C8orf34: variants seen among roughly 807,000 people sequenced by gnomAD.
C8orf34 encodes the protein uncharacterized protein C8orf34.
A neutral mutation model predicts 68.3 loss-of-function variants in C8orf34; 65 were observed. The observed-to-expected ratio is 0.95, with a 90% CI of 0.78 to 1.17. The LOEUF (loss-of-function observed/expected upper bound fraction) is 1.17. Among genes scored for constraint, C8orf34 ranks in the 50% most tolerant of loss-of-function variants. The pLI is 0.00. For missense variants in C8orf34, 664 were observed against 655.4 expected, an observed-to-expected ratio of 1.01 and a Z score of -0.14; for synonymous variants, 244 against 241.2, an observed-to-expected ratio of 1.01 and a Z score of -0.11.
At chr8:68,622,365 T>A (rs747583415) in intron 7 of C8orf34, among the ~76,000 whole-genome samples, 6 of 152,178 alleles carry the variant, frequency 3.9e-5, no homozygotes, top group Non-Finnish European at 7.3e-5. Context: ...GGGGCCATGT[T>A]AAAGTCATCC....
intron 7 of C8orf34, among the ~76,000 whole-genome samples, chr8:68,582,489 G>T (rs565565345): frequency 4.3e-4 from 66 of 152,196 alleles, no homozygotes; most frequent in South Asian, 1.7e-3. Context: ...TGGGGAAAAG[G>T]CTTTCCAGTT....
chr8:68,682,688 A>G (rs1488553438), intron 8 of C8orf34, among the ~76,000 whole-genome samples: 1 of 152,134 alleles, frequency 6.6e-6, no homozygotes, highest in African/African-American at 2.4e-5. Flanking sequence ...TTTCAGAGTG[A>G]CATATTTTGG....
intron 3 of C8orf34, among the ~76,000 whole-genome samples, chr8:68,449,564 A>C (rs1811259977): frequency 1.3e-5 from 2 of 151,988 alleles, no homozygotes; most frequent in Admixed American, 1.3e-4. Flanking sequence ...TGAATATCAC[A>C]ATATCAGTCG....
intron 1 of C8orf34, among the ~76,000 whole-genome samples, chr8:68,395,890 A>G (rs550243407): frequency 6.6e-6 from 1 of 152,226 alleles, no homozygotes; most frequent in African/African-American, 2.4e-5. Context: ...AAGAAAACCT[A>G]TAGAACCTGA....
chr8:68,339,400 A>G (rs779013829), intron 1 of C8orf34, among the ~76,000 whole-genome samples: 1 of 152,016 alleles, frequency 6.6e-6, no homozygotes, highest in Non-Finnish European at 1.5e-5. Flanking sequence ...TAAAAGTACC[A>G]TTTATAATGG....
chr8:68,719,199 C>T (rs534585714), intron 9 of C8orf34, among the ~76,000 whole-genome samples: 267 of 152,012 alleles, frequency 1.8e-3, no homozygotes, highest in Non-Finnish European at 3.2e-3. Flanking sequence ...AGATTGGTAC[C>T]CTATTATTAG....
At chr8:68,779,180 A>AACACACACAC (rs10550333) in intron 11 of C8orf34, among the ~76,000 whole-genome samples, 2 of 139,156 alleles carry the variant, frequency 1.4e-5, no homozygotes, top group Non-Finnish European at 3.1e-5. Context: ...CTGTCTCTGA[A>AACACACACAC]ACACACACAC....
At chr8:68,575,665 C>T (rs983675365) in intron 7 of C8orf34, among the ~76,000 whole-genome samples, 1 of 152,000 alleles carries the variant, frequency 6.6e-6, no homozygotes, top group Non-Finnish European at 1.5e-5. Context: ...GGCTGATATC[C>T]GCAGCCCTTA....
chr8:68,626,398 T>C (rs1025525420), intron 7 of C8orf34, among the ~76,000 whole-genome samples: 11 of 152,172 alleles, frequency 7.2e-5, no homozygotes, highest in African/African-American at 2.4e-4. Context: ...GTATATAAAG[T>C]AAACTGACTT....
intron 8 of C8orf34, among the ~76,000 whole-genome samples, chr8:68,684,473 G>A (rs1820455472): frequency 1.3e-5 from 2 of 152,110 alleles, no homozygotes; most frequent in African/African-American, 4.8e-5. Context: ...ACAAAGTACT[G>A]CAAACAAGAG....
intron 7 of C8orf34, chr8:68,535,927 TATAAG>T: frequency 1.1e-6 from 1 of 922,256 alleles, no homozygotes; most frequent in Non-Finnish European, 1.3e-6. Context: ...CATGCTCAAA[TATAAG>T]ATATTTTCAA....
chr8:68,459,251 A>G lies in C8orf34; in HGVS notation c.608-9441A>G, dbSNP rs143274956. 1.6e-3 allele frequency among the ~76,000 whole-genome samples: 248 copies of G among 152,188 alleles called. 2 individuals are homozygous for G. The highest frequency in any genetic ancestry group is 0.011 in the Admixed American group (165 of 15,282). Reference sequence around the variant, plus strand: ...TTTCTTTTTTTCTTTTTTTTCTGAGATGGAGTCTCACTCTGTCACCCAGGC... The same window carrying G: ...TTTCTTTTTTTCTTTTTTTTCTGAGGTGGAGTCTCACTCTGTCACCCAGGC... On this transcript the variant is annotated intron_variant, in intron 3 of 13. Transcript: ENST00000518698.
Position 68,611,410 on chromosome 8 carries a change from C to T in C8orf34, c.1106-28966C>T, listed in dbSNP as rs527351952. 3.3e-5 allele frequency among the ~76,000 whole-genome samples: 5 copies of T among 152,228 alleles called. No homozygotes were observed. In the South Asian group the frequency reaches 1.0e-3, roughly 32 times the overall value. On this transcript the variant is annotated intron_variant, in intron 7 of 13. Transcript: ENST00000518698. ...GAAATCCTTAGGCTTGGGTAAAATA[C>T]TTTGATTTCAAGAGGTCCTCTCTAG...
At chr8:68,716,339 G>A (rs1269088225) in intron 9 of C8orf34, among the ~76,000 whole-genome samples, 1 of 151,864 alleles carries the variant, frequency 6.6e-6, no homozygotes, top group Non-Finnish European at 1.5e-5. Context: ...AAAAACAGAT[G>A]CCCAAAGAAA....
intron 5 of C8orf34, among the ~76,000 whole-genome samples, chr8:68,493,392 T>G (rs1286741019): frequency 1.3e-5 from 2 of 151,828 alleles, no homozygotes; most frequent in Non-Finnish European, 2.9e-5. Context: ...ATATCACTAA[T>G]CACCAGAGGG....
chr8:68,522,438 TAA>T (rs1406417356), intron 6 of C8orf34, among the ~76,000 whole-genome samples: 3 of 152,188 alleles, frequency 2.0e-5, no homozygotes. Flanking sequence ...TAGAACCATT[TAA>T]GTTTAGAGTT....
intron 7 of C8orf34, among the ~76,000 whole-genome samples, chr8:68,615,632 G>A (rs1277775612): frequency 6.6e-6 from 1 of 152,180 alleles, no homozygotes; most frequent in Non-Finnish European, 1.5e-5. Context: ...GCATCCCAGG[G>A]ATGAAGCCCA....
intron 3 of C8orf34, among the ~76,000 whole-genome samples, chr8:68,456,779 G>C: frequency 6.6e-6 from 1 of 151,844 alleles, no homozygotes; most frequent in East Asian, 1.9e-4. Flanking sequence ...TACAATGCAA[G>C]CTGGCATAGG....
At chr8:68,581,745 A>G (rs1817070891) in intron 7 of C8orf34, among the ~76,000 whole-genome samples, 1 of 152,162 alleles carries the variant, frequency 6.6e-6, no homozygotes, top group African/African-American at 2.4e-5. Context: ...AGCCACTGCC[A>G]CAGTTCACAT....
Sources: gnomAD v4.1 joint callset for allele counts (sites outside exome capture counted in the v4.1 genomes callset) on GRCh38, gnomAD v4.1.1 for gene constraint, MANE v1.5 for transcripts, NCBI Gene and HGNC (gene_info 2026-07-23, HGNC 2026-07-21) for gene names.